CLEC7A: variants seen among roughly 807,000 people sequenced by gnomAD.
CLEC7A encodes the protein C-type lectin domain family 7 member A.
In CLEC7A, 25 loss-of-function variants were observed where a neutral mutation model predicts 26.9. The observed-to-expected ratio is 0.93, with a 90% CI of 0.68 to 1.30. The LOEUF is 1.30. CLEC7A is among the 50% of genes most tolerant of loss of function. The pLI, the probability that CLEC7A is intolerant of heterozygous loss-of-function variation, is 0.00. For missense variants in CLEC7A, 275 were observed against 286.7 expected (o/e 0.96, Z 0.29); for synonymous variants, 100 against 99.5 (o/e 1.01, Z -0.03).
intron 5 of CLEC7A, among the ~76,000 whole-genome samples, chr12:10,120,757 CTTT>C (rs71049047): frequency 5.8e-5 from 8 of 137,812 alleles, no homozygotes; most frequent in Non-Finnish European, 7.8e-5. Context: ...TTTTCTTTTT[CTTT>C]TTTTTTTTTT....
rs768174843 is a variant in CLEC7A, at chr12:10,125,353, T to A, written c.436A>T (p.Arg146Ter). 2 of 1,613,690 alleles carry A rather than the reference T, an allele frequency of 1.2e-6. No individual in the cohort carries two copies. The highest frequency in any genetic ancestry group is 4.5e-5 in the East Asian group (2 of 44,868). Reference sequence around the variant, plus strand: ...TTAGAGCCCAGTTGCCAGCATTGTCTTTTACTTCCATCCCAGGAATTTAGT... The same window carrying A: ...TTAGAGCCCAGTTGCCAGCATTGTCATTTACTTCCATCCCAGGAATTTAGT... ...MSLNSWDGSK[R>*]QCWQLGSNLL... The change falls in exon 4 of 6, where the codon AGA (arginine) becomes TGA (stop). Residue 146 changes from arginine to a stop codon, truncating the protein, a stop_gained. Transcript: ENST00000304084. LOFTEE classifies it high-confidence loss of function.
At chr12:10,120,581 C>CTAATTTT (rs1948047420) in intron 5 of CLEC7A, among the ~76,000 whole-genome samples, 1 of 150,202 alleles carries the variant, frequency 6.7e-6, no homozygotes, top group Non-Finnish European at 1.5e-5. Flanking sequence ...CCTTGTCTGT[C>CTAATTTT]TAATTTTTAT....
At chr12:10,120,881 G>A (rs142826723) in intron 5 of CLEC7A, among the ~76,000 whole-genome samples, 105 of 150,376 alleles carry the variant, frequency 7.0e-4, no homozygotes, top group African/African-American at 2.2e-3. Context: ...CAACCTCTGA[G>A]TAGCTGGGAT....
At chr12:10,119,849 AC>A (rs143362733) in intron 5 of CLEC7A, among the ~76,000 whole-genome samples, 19 of 136,476 alleles carry the variant, frequency 1.4e-4, no homozygotes, top group Admixed American at 6.9e-4. Context: ...AAAAAAAAAA[AC>A]AAACAGAAAC....
rs1277983203 is a variant in CLEC7A at position 10,126,663 on chromosome 12, T to C, written c.248A>G (p.Tyr83Cys). 2.9e-5 allele frequency: 46 copies of C among 1,612,860 alleles called. No individual in the cohort carries two copies. The highest frequency in any genetic ancestry group is 3.7e-5 in the Non-Finnish European group (44 of 1,179,566). The change falls in exon 3 of 6, where the codon TAC (tyrosine) becomes TGC (cysteine). Residue 83 changes from tyrosine (Y) to cysteine (C), a missense_variant. Transcript: ENST00000304084. ...NSGSNTLENG[Y>C]FLSRNKENHS... ...GTTCTCTTTATTTCTTGATAGAAAG[T>C]AGCCATTCTCCAATGTGTTGCTTCC...
intron 4 of CLEC7A, among the ~76,000 whole-genome samples, chr12:10,123,739 G>A (rs1156920645): frequency 7.8e-6 from 1 of 127,432 alleles, no homozygotes; most frequent in Non-Finnish European, 1.6e-5. Context: ...CCGCAGTCCG[G>A]CCTGGGCGAC....
At chr12:10,122,659 G>A (rs546876895) in intron 5 of CLEC7A, among the ~76,000 whole-genome samples, 4 of 151,574 alleles carry the variant, frequency 2.6e-5, no homozygotes, top group African/African-American at 4.8e-5. Flanking sequence ...CACCACACCC[G>A]GCTAAATTTT....
Position 10,125,203 on chromosome 12 carries a change from T to G in CLEC7A, c.492+94A>C, listed in dbSNP as rs779233186. On this transcript the variant is annotated intron_variant, in intron 4 of 5. Coordinates refer to ENST00000304084, the MANE Select transcript of CLEC7A (RefSeq NM_197947.3). ...CTCAAAAAAAAAAAAAAAAAAAGAC[T>G]TCATTTTAGGAAAAATTGTCATTAC... 6 of 1,090,128 alleles carry G rather than the reference T, an allele frequency of 5.5e-6. No individual in the cohort carries two copies. In the East Asian group the frequency reaches 1.5e-4, roughly 27 times the overall value. 67.5% of individuals were successfully genotyped at this position (1,090,128 alleles called of 1,614,324 possible).
intron 1 of CLEC7A, 91 bp from the exon 2 acceptor site, chr12:10,127,936 C>T (rs1194733857): frequency 2.3e-6 from 2 of 887,396 alleles, no homozygotes; most frequent in Non-Finnish European, 3.4e-6. Flanking sequence ...AAAATCTGGC[C>T]TTGCACGGTG....
chr12:10,127,566 C>G, intron 2 of CLEC7A, 181 bp downstream of exon 2: 1 of 1,031,700 alleles, frequency 9.7e-7, no homozygotes, highest in Non-Finnish European at 1.5e-6. Context: ...AAAATAACCT[C>G]TCAGTCTCTC....
At chr12:10,121,247 G>A (rs953124900) in intron 5 of CLEC7A, among the ~76,000 whole-genome samples, 1 of 147,020 alleles carries the variant, frequency 6.8e-6, no homozygotes, top group Non-Finnish European at 1.5e-5. Flanking sequence ...AGATGTAAAA[G>A]ACATGAAAGA....
chr12:10,126,331 T>G (rs970537623), intron 3 of CLEC7A: 1 of 982,936 alleles, frequency 1.0e-6, no homozygotes, highest in South Asian at 4.7e-5. Context: ...CAGTTACTGA[T>G]TTTAAAAATT....
intron 5 of CLEC7A, among the ~76,000 whole-genome samples, chr12:10,122,941 C>T (rs575186621): frequency 6.6e-6 from 1 of 152,262 alleles, no homozygotes; most frequent in East Asian, 1.9e-4. Flanking sequence ...GGGAGTTACA[C>T]TGACTGACAG....
chr12:10,120,036 A>C (rs55940966), intron 5 of CLEC7A, among the ~76,000 whole-genome samples: 2,159 of 152,312 alleles, frequency 0.014, 23 homozygotes, highest in Non-Finnish European at 0.02. Flanking sequence ...AAATGTCACC[A>C]AACAAAATAA....
rs373489756 is a variant in CLEC7A, at chr12:10,127,818, C to T, written c.131G>A (p.Arg44His). 5.6e-5 allele frequency: 88 copies of T among 1,569,444 alleles called. No homozygotes were observed. The highest frequency in any genetic ancestry group is 7.6e-5 in the Admixed American group (4 of 52,896). The change falls in exon 2 of 6, where the codon CGC (arginine) becomes CAC (histidine). Residue 44 changes from arginine to histidine, a missense_variant. Transcript: ENST00000304084. The stretch of plus-strand genomic sequence containing the variant: ...GATTCCCAAAATTACAGCAATGAGG[C>T]GCCAAGGAGGAGATGCAGCACACGA... Reference protein sequence around the residue: ...KGSCAASPPWRLIAVILGILC... With the variant: ...KGSCAASPPWHLIAVILGILC...
rs190739399 is a variant in CLEC7A, at chr12:10,122,453, A to G, written c.611+792T>C. ...ATTTTACTTTTATACCCATCTCACA[A>G]TTCTAAGAGGAAAGCACTCTTTCTT... On this transcript the variant is annotated intron_variant, in intron 5 of 5. Coordinates refer to ENST00000304084, the MANE Select transcript of CLEC7A (RefSeq NM_197947.3). Among the ~76,000 whole-genome samples, 52 of 149,478 alleles carry G rather than the reference A, an allele frequency of 3.5e-4. No homozygotes were observed. The East Asian group carries it at 0.01, about 29-fold the overall frequency.
Position 10,118,490 on chromosome 12 carries a change from A to G in CLEC7A, c.712T>C (p.Tyr238His), listed in dbSNP as rs779538254. 11 of 1,611,314 alleles carry G rather than the reference A, an allele frequency of 6.8e-6. 1 individual carries two copies. In the South Asian group the frequency reaches 1.1e-4, roughly 16 times the overall value. ...IYDQLCSVPSYSICEKKFSM is the reference protein window; with the variant it reads ...IYDQLCSVPSHSICEKKFSM ...GAAAACTTCTTCTCACAAATACTAT[A>G]TGAGGGCACACTACACAGTTGGTCA... Residue 238 changes from tyrosine (Y) to histidine (H), a missense_variant, in exon 6 of 6, where the codon TAT becomes CAT. By Grantham distance (83) the Tyr-to-His change is moderately conservative (BLOSUM62 2). Transcript: ENST00000304084.
Position 10,118,463 on chromosome 12 carries a change from T to C in CLEC7A, c.739A>G (p.Met247Val), listed in dbSNP as rs151164069. 1.7e-5 allele frequency: 28 copies of C among 1,609,124 alleles called. No individual in the cohort carries two copies. Among genetic ancestry groups the C allele is most frequent in the Middle Eastern group, 1.6e-4 (1 of 6,074 alleles). ...SYSICEKKFS[M>V] is the part of the protein sequence containing the mutation. ...CTCCTTCTCCACCCTTCCTCTTACA[T>C]TGAAAACTTCTTCTCACAAATACTA... The change falls in exon 6 of 6, where the codon ATG becomes GTG. Residue 247 changes from methionine to valine, a missense_variant. By Grantham distance (21) the Met-to-Val change is conservative. Coordinates refer to ENST00000304084, the MANE Select transcript of CLEC7A (RefSeq NM_197947.3).
chr12:10,123,985 A>C (rs1334016817), intron 4 of CLEC7A, among the ~76,000 whole-genome samples: 1 of 152,224 alleles, frequency 6.6e-6, no homozygotes, highest in Non-Finnish European at 1.5e-5. Flanking sequence ...GGCAGTTTTC[A>C]TGGATGATTA....
Sources: gnomAD v4.1 joint callset for allele counts (sites outside exome capture counted in the v4.1 genomes callset) on GRCh38, gnomAD v4.1.1 for gene constraint, MANE v1.5 for transcripts, NCBI Gene and HGNC (gene_info 2026-07-23, HGNC 2026-07-21) for gene names.